Variants in ERBB4 observed in about 807,000 individuals in gnomAD.
ERBB4 encodes the protein receptor tyrosine-protein kinase erbB-4.
Under a neutral mutation model 158.0 loss-of-function variants are expected in ERBB4, and 42 were observed. The observed-to-expected ratio is 0.27, with a 90% CI of 0.21 to 0.34. ERBB4 has a LOEUF of 0.34. Among genes scored for constraint, ERBB4 ranks in the 10% least tolerant of loss-of-function variants. The pLI is 1.00. For missense variants in ERBB4, 1,333 were observed against 1,624.1 expected (o/e 0.82, Z 3.08); for synonymous variants, 583 against 558.7 (o/e 1.04, Z -0.61).
intron 1 of ERBB4, among the ~76,000 whole-genome samples, chr2:212,414,555 T>G (rs1456783906): frequency 6.6e-6 from 1 of 152,160 alleles, no homozygotes; most frequent in African/African-American, 2.4e-5. Context: ...TTAACGAAAT[T>G]CCAAGGCTCC....
At chr2:212,399,536 T>TTATACACATA (rs1560213898) in intron 1 of ERBB4, among the ~76,000 whole-genome samples, 1 of 20,794 alleles carries the variant, frequency 4.8e-5, no homozygotes, top group African/African-American at 1.9e-4. Flanking sequence ...GATATATATT[T>TTATACACATA]TATATATACA....
chr2:211,918,927 G>T (rs547233574), intron 3 of ERBB4, among the ~76,000 whole-genome samples: 5 of 152,080 alleles, frequency 3.3e-5, no homozygotes, highest in African/African-American at 7.2e-5. Flanking sequence ...GGTGATTTTT[G>T]TCACCACCAC....
chr2:212,206,529 C>T (rs2105915095), intron 1 of ERBB4, among the ~76,000 whole-genome samples: 1 of 149,812 alleles, frequency 6.7e-6, no homozygotes, highest in East Asian at 1.9e-4. Context: ...CTAGGGATAG[C>T]TTAGGTCTAA....
rs59580011 is a variant in ERBB4 at position 212,476,153 on chromosome 2, T to TCACACACACA, written c.82+62286_82+62295dup. ...TACATACTCTCTCTCTCTCTCTCTG[T>TCACACACACA]CACACACACACACACACACACACAC... On this transcript the variant is annotated intron_variant, in intron 1 of 27. Coordinates refer to ENST00000342788, the MANE Select transcript of ERBB4 (RefSeq NM_005235.3). 2.1e-4 allele frequency among the ~76,000 whole-genome samples: 31 copies of TCACACACACA among 144,282 alleles called. 1 individual carries two copies. Among genetic ancestry groups the TCACACACACA allele is most frequent in the South Asian group, 6.6e-4 (3 of 4,574 alleles). 94.7% of individuals were successfully genotyped at this position (144,282 alleles called of 152,430 possible).
At chr2:212,269,737 GAATA>G (rs552205718) in intron 1 of ERBB4, among the ~76,000 whole-genome samples, 49 of 151,692 alleles carry the variant, frequency 3.2e-4, no homozygotes, top group Non-Finnish European at 5.8e-4. Flanking sequence ...TCTACTTTAT[GAATA>G]AATAGTCATG....
chr2:211,622,990 A>AAT (rs1165877419), intron 18 of ERBB4, among the ~76,000 whole-genome samples: 54 of 21,860 alleles, frequency 2.5e-3, no homozygotes, highest in East Asian at 9.2e-3. Context: ...AAAAAAAAAA[A>AAT]ATATATATAT....
At chr2:211,707,262 C>T (rs2073482844) in intron 9 of ERBB4, among the ~76,000 whole-genome samples, 1 of 152,008 alleles carries the variant, frequency 6.6e-6, no homozygotes, top group South Asian at 2.1e-4. Flanking sequence ...GACTCAGGAC[C>T]CTTGTCAAAT....
At chr2:211,544,951 A>G (rs10932383) in intron 20 of ERBB4, among the ~76,000 whole-genome samples, 54,769 of 151,858 alleles carry the variant, frequency 0.36, 10,664 homozygotes, top group East Asian at 0.66. Context: ...AGAAGCCCCA[A>G]TCACAATCGG....
At chr2:211,418,188 C>T (rs2063435648) in intron 25 of ERBB4, among the ~76,000 whole-genome samples, 1 of 151,574 alleles carries the variant, frequency 6.6e-6, no homozygotes, top group Non-Finnish European at 1.5e-5. Context: ...AGCCACCAAA[C>T]TTAAAATGGT....
intron 2 of ERBB4, among the ~76,000 whole-genome samples, chr2:212,032,396 A>T (rs894486607): frequency 4.6e-5 from 7 of 152,066 alleles, no homozygotes; most frequent in African/African-American, 1.7e-4. Context: ...TAAACTCAAG[A>T]TGTTATTATA....
At chr2:211,732,010 A>AT (rs111911983) in intron 5 of ERBB4, among the ~76,000 whole-genome samples, 7,979 of 146,610 alleles carry the variant, frequency 0.054, 401 homozygotes, top group East Asian at 0.24. Flanking sequence ...CAGAAAATTC[A>AT]TTTTTTTTTT....
At chr2:212,256,092 C>A (rs2084729403) in intron 1 of ERBB4, among the ~76,000 whole-genome samples, 1 of 151,824 alleles carries the variant, frequency 6.6e-6, no homozygotes, top group African/African-American at 2.4e-5. Context: ...TCTTGGCCTC[C>A]CAAAGTGCTG....
At chr2:211,900,798 C>A (rs1192287384) in intron 3 of ERBB4, among the ~76,000 whole-genome samples, 5 of 152,062 alleles carry the variant, frequency 3.3e-5, no homozygotes, top group Non-Finnish European at 7.4e-5. Flanking sequence ...ACTGGCAATG[C>A]CTCCTTTCAG....
chr2:211,573,815 T>G lies in ERBB4; in HGVS notation c.2302-11727A>C, dbSNP rs527825486. On this transcript the variant is annotated intron_variant, in intron 19 of 27. Transcript: ENST00000342788. ...ACTCAGTGCTAGAGACACTCAGTGC[T>G]TTAAGCAACAAGAACTGATTTATTG... 3.3e-5 allele frequency among the ~76,000 whole-genome samples: 5 copies of G among 152,354 alleles called. No homozygotes were observed. The East Asian group carries it at 9.6e-4, about 29-fold the overall frequency.
chr2:212,153,486 G>A (rs1250537235), intron 1 of ERBB4, among the ~76,000 whole-genome samples: 2 of 152,022 alleles, frequency 1.3e-5, no homozygotes, highest in African/African-American at 4.8e-5. Context: ...GTAAATAATT[G>A]TGTCTAAGTA....
At chr2:211,626,170 A>C (rs1157850987) in intron 17 of ERBB4, among the ~76,000 whole-genome samples, 1 of 152,160 alleles carries the variant, frequency 6.6e-6, no homozygotes, top group Non-Finnish European at 1.5e-5. Flanking sequence ...AAATTCTAGA[A>C]CATTGCCTGG....
At position 212,101,915 on chromosome 2, in the gene ERBB4, C is replaced by T. The variant is rs527777004; in HGVS notation, c.234+22837G>A. Among the ~76,000 whole-genome samples the T allele has an allele frequency of 4.0e-5, 6 of 151,534 alleles. 1 individual carries two copies. The highest frequency in any genetic ancestry group is 1.4e-4 in the African/African-American group (6 of 41,408). On this transcript the variant is annotated intron_variant, in intron 2 of 27. Transcript: ENST00000342788. ...CTAGTACGTTTTGCTTGGGGGGGTA[C>T]ATTTACCTCCTTTCGGTCACCAATT...
At chr2:212,455,732 A>C (rs1266858134) in intron 1 of ERBB4, among the ~76,000 whole-genome samples, 1 of 152,180 alleles carries the variant, frequency 6.6e-6, no homozygotes, top group Non-Finnish European at 1.5e-5. Flanking sequence ...TGAGTTTTTA[A>C]AGTGTTACTT....
chr2:212,122,213 A>G lies in ERBB4; in HGVS notation c.234+2539T>C, dbSNP rs150393135. On this transcript the variant is annotated intron_variant, in intron 2 of 27. Transcript: ENST00000342788. ...TATACGTATACAGTACTTATATATT[A>G]CATATCTGTCATCCTCAACATGATT... is the stretch of plus-strand genomic sequence containing the variant. Among the ~76,000 whole-genome samples the G allele has an allele frequency of 2.5e-3, 380 of 152,054 alleles. 1 individual carries two copies. The highest frequency in any genetic ancestry group is 8.1e-3 in the African/African-American group (338 of 41,546).
Sources: allele counts gnomAD v4.1 joint callset (sites outside exome capture counted in the v4.1 genomes callset), GRCh38; gene constraint gnomAD v4.1.1; transcripts MANE v1.5; gene names NCBI Gene and HGNC (gene_info 2026-07-23, HGNC 2026-07-21).